SMG7: variants seen among roughly 807,000 people sequenced by gnomAD.
SMG7 encodes SMG7 nonsense mediated mRNA decay factor.
SMG7 carries 34 observed loss-of-function variants against 148.2 expected under a neutral mutation model. That is an observed-to-expected ratio of 0.23 (90% CI 0.17 to 0.31). The LOEUF (loss-of-function observed/expected upper bound fraction) is 0.31. Among genes scored for constraint, SMG7 ranks in the 10% least tolerant of loss-of-function variants. The probability of loss-of-function intolerance (pLI) is 1.00; values close to 1 mark genes in which losing one functional copy is unlikely to be tolerated. For synonymous variants in SMG7, 492 were observed against 515.1 expected, an observed-to-expected ratio of 0.96 and a Z score of 0.61; for missense variants, 1,114 against 1,408.4, an observed-to-expected ratio of 0.79 and a Z score of 3.35.
intron 1 of SMG7, chr1:183,473,021 A>T: frequency 3.6e-6 from 1 of 275,520 alleles, no homozygotes; most frequent in Middle Eastern, 9.5e-4. Context: ...TCCCCGTGGC[A>T]GGGGACTCGT....
At position 183,533,743 on chromosome 1, in the gene SMG7, C is replaced by A; in HGVS notation, c.1074C>A (p.Ala358=). ...QNESQEESYN[A]YPLPAVKVSM... ...AGTCTCAGGAGGAGTCCTACAATGCCTATCCTCTTCCAGCAGTCAAGGTCT... is the reference window on the plus strand; with the variant it reads ...AGTCTCAGGAGGAGTCCTACAATGCATATCCTCTTCCAGCAGTCAAGGTCT... Residue 358 remains alanine, a synonymous_variant, in exon 10 of 23, where the codon GCC becomes GCA. Coordinates refer to ENST00000688051, the MANE Select transcript of SMG7 (RefSeq NM_001375584.1). 3 of 1,613,064 alleles carry A rather than the reference C, an allele frequency of 1.9e-6. No individual in the cohort carries two copies. Among genetic ancestry groups the A allele is most frequent in the Non-Finnish European group, 2.5e-6 (3 of 1,179,494 alleles).
intron 8 of SMG7, among the ~76,000 whole-genome samples, chr1:183,530,611 A>T (rs1666685241): frequency 1.3e-5 from 2 of 152,170 alleles, no homozygotes; most frequent in African/African-American, 4.8e-5. Context: ...CATGTGAAGG[A>T]TTATTTGAAA....
chr1:183,503,801 C>T (rs1465478762), intron 1 of SMG7, among the ~76,000 whole-genome samples: 1 of 152,188 alleles, frequency 6.6e-6, no homozygotes, highest in Non-Finnish European at 1.5e-5. Flanking sequence ...CTCATAGCAA[C>T]TTTGAAAAGT....
At chr1:183,481,981 G>C (rs1251826529) in intron 1 of SMG7, among the ~76,000 whole-genome samples, 1 of 152,084 alleles carries the variant, frequency 6.6e-6, no homozygotes, top group African/African-American at 2.4e-5. Flanking sequence ...TTCCCTGTGG[G>C]CTGAATTTTA....
intron 1 of SMG7, among the ~76,000 whole-genome samples, chr1:183,505,554 G>T (rs1489179246): frequency 6.6e-6 from 1 of 152,100 alleles, no homozygotes; most frequent in Non-Finnish European, 1.5e-5. Flanking sequence ...TCAATGTACT[G>T]ATCACGTCAG....
chr1:183,538,338 T>G, intron 11 of SMG7, 42 bp from the exon 12 acceptor site: 1 of 1,438,322 alleles, frequency 7.0e-7, no homozygotes, highest in Non-Finnish European at 9.8e-7. Context: ...CCAAACAACA[T>G]TTTAATTAAA....
chr1:183,494,507 T>G (rs1483458039), intron 1 of SMG7, among the ~76,000 whole-genome samples: 1 of 151,284 alleles, frequency 6.6e-6, no homozygotes, highest in Non-Finnish European at 1.5e-5. Context: ...TTCCATCTGG[T>G]ATCATTTTCT....
chr1:183,551,276 A>G (rs768917454), intron 22 of SMG7, 86 bp downstream of exon 22: 97 of 1,352,742 alleles, frequency 7.2e-5, no homozygotes, highest in Non-Finnish European at 9.4e-5. Context: ...TAGACTTCTC[A>G]GGCCCTCGGA....
chr1:183,533,145 C>A lies in SMG7; in HGVS notation c.844-19C>A. On this transcript the variant is annotated intron_variant, in intron 8 of 22. Transcript: ENST00000688051. The stretch of plus-strand genomic sequence containing the variant: ...CCTGTTCTTGATAATATATGCAGTA[C>A]GTCTGTCTTCTTTTACAGAGGCTGC... The A allele has an allele frequency of 3.1e-6, 5 of 1,608,810 alleles. No individual in the cohort carries two copies. The highest frequency in any genetic ancestry group is 1.1e-5 in the South Asian group (1 of 90,586).
intron 10 of SMG7, among the ~76,000 whole-genome samples, chr1:183,536,783 A>G (rs951131929): frequency 1.3e-5 from 2 of 152,182 alleles, no homozygotes; most frequent in African/African-American, 4.8e-5. Flanking sequence ...CTCATAATGT[A>G]TGTGAAAGCT....
intron 10 of SMG7, among the ~76,000 whole-genome samples, chr1:183,536,893 A>AT (rs989463143): frequency 2.0e-5 from 3 of 152,162 alleles, no homozygotes; most frequent in Non-Finnish European, 4.4e-5. Context: ...CATTTGTTGA[A>AT]TTAGGAGCAT....
rs1472092042 is a variant in SMG7 at position 183,551,829 on chromosome 1, C to T, written c.3462C>T (p.Ser1154=). The change falls in exon 23 of 23, where the codon TCC becomes TCT. Residue 1154 remains serine, a synonymous_variant. Coordinates refer to ENST00000688051, the MANE Select transcript of SMG7 (RefSeq NM_001375584.1). ...VLMESLKSIW[S]SSMMHPGPSA... is the part of the protein sequence containing the mutation. ...GGACTGTTTTTCAGTCTATCTGGTC[C>T]AGTTCCATGATGCATCCTGGACCTT... 5.0e-6 allele frequency: 8 copies of T among 1,610,980 alleles called. No individual in the cohort carries two copies. Among genetic ancestry groups the T allele is most frequent in the East Asian group, 4.5e-5 (2 of 44,710 alleles).
At chr1:183,474,827 A>G (rs1320864302) in intron 1 of SMG7, among the ~76,000 whole-genome samples, 1 of 152,174 alleles carries the variant, frequency 6.6e-6, no homozygotes, top group African/African-American at 2.4e-5. Context: ...CACTTAGGAT[A>G]TTGTTCATCC....
chr1:183,477,680 G>A (rs900517137), intron 1 of SMG7, among the ~76,000 whole-genome samples: 6 of 141,676 alleles, frequency 4.2e-5, no homozygotes, highest in Admixed American at 2.1e-4. Flanking sequence ...GCATATATAC[G>A]TGTGTGCATA....
In SMG7 at chr1:183,548,938, CAG is replaced by C. The variant is rs1204316851; in HGVS notation, c.2893-267_2893-266del. On this transcript the variant is annotated intron_variant, in intron 18 of 22. Coordinates refer to ENST00000688051, the MANE Select transcript of SMG7 (RefSeq NM_001375584.1). ...CTGAGGTCCATGCCTCATAAACACT[CAG>C]AGTGCTGTTTACCAGGGTCTCTGGT... 9.4e-5 allele frequency: 44 copies of C among 465,860 alleles called. 1 individual carries two copies. The East Asian group carries it at 1.7e-3, about 18-fold the overall frequency. The allele number at this position is 465,860 out of a possible 1,614,324, so 28.9% of individuals were successfully genotyped here.
chr1:183,475,371 G>A (rs184971895), intron 1 of SMG7, among the ~76,000 whole-genome samples: 54 of 152,278 alleles, frequency 3.5e-4, no homozygotes, highest in African/African-American at 1.3e-3. Context: ...AGTGGTCGGG[G>A]AAATCCTATT....
intron 1 of SMG7, among the ~76,000 whole-genome samples, chr1:183,497,040 G>T (rs1305019706): frequency 6.6e-6 from 1 of 152,082 alleles, no homozygotes; most frequent in African/African-American, 2.4e-5. Flanking sequence ...ACGAATATCT[G>T]TATGCTGATG....
chr1:183,472,709 C>T, intron 1 of SMG7, 60 bp downstream of exon 1: 1 of 1,378,006 alleles, frequency 7.3e-7, no homozygotes, highest in South Asian at 1.5e-5. Context: ...GGGCATGGAG[C>T]AACAGACACC....
chr1:183,482,830 A>G (rs918666992), intron 1 of SMG7, among the ~76,000 whole-genome samples: 11 of 152,198 alleles, frequency 7.2e-5, no homozygotes, highest in African/African-American at 2.7e-4. Flanking sequence ...GGACTAATGT[A>G]CATGTAATTC....
Sources: gnomAD v4.1 joint callset for allele counts (sites outside exome capture counted in the v4.1 genomes callset) on GRCh38, gnomAD v4.1.1 for gene constraint, MANE v1.5 for transcripts, NCBI Gene and HGNC (gene_info 2026-07-23, HGNC 2026-07-21) for gene names.